The following POLR3B variants were observed in gnomAD, a reference collection of about 807,000 sequenced individuals.
POLR3B encodes the protein RNA polymerase III subunit B, also known as DNA-directed RNA polymerase III subunit RPC2.
Under a neutral mutation model 147.4 loss-of-function variants are expected in POLR3B, and 96 were observed. That is an observed-to-expected ratio of 0.65 (90% confidence interval 0.55 to 0.77). The LOEUF is 0.77. Ranked by LOEUF, POLR3B falls within the 30% of genes least tolerant of loss-of-function variation. POLR3B has a pLI of 0.00. For synonymous variants in POLR3B, 461 were observed against 485.9 expected (o/e 0.95, Z 0.67); for missense variants, 1,036 against 1,413.5 (o/e 0.73, Z 4.28).
chr12:106,433,114 A>G (rs1054379502), intron 15 of POLR3B, among the ~76,000 whole-genome samples: 1 of 152,042 alleles, frequency 6.6e-6, no homozygotes, highest in Non-Finnish European at 1.5e-5. Flanking sequence ...TCTAGGAGGC[A>G]TTAACTCTTT....
At chr12:106,376,654 G>C (rs898561816) in intron 7 of POLR3B, among the ~76,000 whole-genome samples, 3 of 135,376 alleles carry the variant, frequency 2.2e-5, no homozygotes, top group African/African-American at 9.3e-5. Context: ...GTCTCACTCT[G>C]TCATCTAAGC....
intron 13 of POLR3B, among the ~76,000 whole-genome samples, chr12:106,428,709 A>T (rs2037468499): frequency 6.6e-6 from 1 of 152,188 alleles, no homozygotes; most frequent in Admixed American, 6.6e-5. Context: ...GCCTCCAAGG[A>T]TAAAAGGAGT....
At position 106,366,667 on chromosome 12, in the gene POLR3B, A is replaced by G; in HGVS notation, c.172A>G (p.Ile58Val). ...NYFINVEIKKIMKANEKVTSD... is the reference protein window; with the variant it reads ...NYFINVEIKKVMKANEKVTSD... ...GCATTTTCCACTGCAGATAAAGAAGATAATGAAAGCCAATGAAAAGGTTAC... is the reference window on the plus strand; with the variant it reads ...GCATTTTCCACTGCAGATAAAGAAGGTAATGAAAGCCAATGAAAAGGTTAC... The change falls in exon 4 of 28, where the codon ATA (isoleucine) becomes GTA (valine). Residue 58 changes from isoleucine to valine, a missense_variant. Ile to Val is a conservative substitution (Grantham distance 29). This residue lies in a region of POLR3B where 150 missense variants were observed against 145.5 expected (regional missense o/e 1.03). Transcript: ENST00000228347. The G allele has an allele frequency of 6.2e-7, 1 of 1,613,748 alleles. No homozygotes were observed. Among genetic ancestry groups the G allele is most frequent in the East Asian group, 2.2e-5 (1 of 44,868 alleles).
intron 11 of POLR3B, chr12:106,410,314 A>G (rs1272154670): frequency 6.4e-6 from 1 of 155,928 alleles, no homozygotes; most frequent in East Asian, 1.9e-4. Context: ...ATCTTCACTC[A>G]TATCTCTGGC....
chr12:106,498,485 T>G (rs576124019), intron 25 of POLR3B, among the ~76,000 whole-genome samples: 134 of 152,238 alleles, frequency 8.8e-4, no homozygotes, highest in Non-Finnish European at 1.6e-3. Context: ...CTTAGGTATT[T>G]AATGCCAGAT....
intron 19 of POLR3B, among the ~76,000 whole-genome samples, chr12:106,449,555 A>G (rs2037770678): frequency 6.6e-6 from 1 of 152,252 alleles, no homozygotes; most frequent in Non-Finnish European, 1.5e-5. Flanking sequence ...GTTATATACT[A>G]TATTCTTACA....
At chr12:106,498,582 G>GTTTTTTTTTTT (rs564316643) in intron 25 of POLR3B, among the ~76,000 whole-genome samples, 1 of 147,718 alleles carries the variant, frequency 6.8e-6, no homozygotes, top group Non-Finnish European at 1.5e-5. Flanking sequence ...TTTGGGGTTT[G>GTTTTTTTTTTT]TTTTTTTTGT....
chr12:106,367,072 T>C (rs1323301884), intron 4 of POLR3B, among the ~76,000 whole-genome samples: 2 of 152,150 alleles, frequency 1.3e-5, no homozygotes. Context: ...CACTGCACTC[T>C]ATCTTTTACA....
chr12:106,412,827 G>C (rs1038814716), intron 12 of POLR3B, among the ~76,000 whole-genome samples: 4 of 152,110 alleles, frequency 2.6e-5, no homozygotes, highest in African/African-American at 4.8e-5. Flanking sequence ...TCTTGTTTCA[G>C]CTCTCATACT....
intron 16 of POLR3B, among the ~76,000 whole-genome samples, chr12:106,436,782 T>C (rs1291272961): frequency 6.6e-6 from 1 of 152,202 alleles, no homozygotes; most frequent in East Asian, 1.9e-4. Flanking sequence ...AAATGTTTCC[T>C]AAGATACTTG....
At chr12:106,442,968 C>A (rs1269512081) in intron 18 of POLR3B, among the ~76,000 whole-genome samples, 1 of 152,174 alleles carries the variant, frequency 6.6e-6, no homozygotes, top group Non-Finnish European at 1.5e-5. Context: ...CTGACATCTA[C>A]TAGGTAAAAT....
intron 10 of POLR3B, among the ~76,000 whole-genome samples, chr12:106,393,680 G>A (rs2036944766): frequency 2.0e-5 from 3 of 151,314 alleles, no homozygotes; most frequent in Admixed American, 2.0e-4. Context: ...CCCTTTTACT[G>A]CTGCAGAGCC....
At chr12:106,393,003 CTCTT>C (rs2036930845) in intron 9 of POLR3B, 24 bp from the exon 10 acceptor site, 3 of 1,613,776 alleles carry the variant, frequency 1.9e-6, no homozygotes, top group Middle Eastern at 1.6e-4. Flanking sequence ...AAAGCCAACA[CTCTT>C]TCTATCTTTT....
chr12:106,480,013 CTT>C (rs1463072660), intron 23 of POLR3B, among the ~76,000 whole-genome samples: 2 of 142,838 alleles, frequency 1.4e-5, no homozygotes, highest in African/African-American at 5.4e-5. Context: ...TTTTTTTTGG[CTT>C]TTTTTATTAT....
chr12:106,426,248 G>GTGTT (rs2037433354), intron 12 of POLR3B, among the ~76,000 whole-genome samples: 1 of 151,144 alleles, frequency 6.6e-6, no homozygotes, highest in Non-Finnish European at 1.5e-5. Flanking sequence ...GTGTGTGTGT[G>GTGTT]TGTGTGTGTG....
intron 7 of POLR3B, 37 bp downstream of exon 7, chr12:106,376,487 A>G (rs1303332744): frequency 1.5e-6 from 2 of 1,315,600 alleles, no homozygotes; most frequent in Admixed American, 1.7e-5. Context: ...CACTTTCCTT[A>G]TTCTTTTATT....
intron 27 of POLR3B, among the ~76,000 whole-genome samples, chr12:106,508,290 A>C (rs1490544611): frequency 2.0e-5 from 3 of 152,206 alleles, no homozygotes; most frequent in African/African-American, 7.2e-5. Context: ...TGGGATTACA[A>C]AATCAAAGAA....
At chr12:106,423,152 A>G (rs962043718) in intron 12 of POLR3B, among the ~76,000 whole-genome samples, 1 of 152,238 alleles carries the variant, frequency 6.6e-6, no homozygotes, top group East Asian at 1.9e-4. Flanking sequence ...ACCTTCAACT[A>G]TTATCAGTAG....
Position 106,357,829 on chromosome 12 carries a change from G to A in POLR3B, c.-51G>A. 1.9e-6 allele frequency: 3 copies of A among 1,571,280 alleles called. No individual in the cohort carries two copies. Among genetic ancestry groups the A allele is most frequent in the South Asian group, 1.1e-5 (1 of 87,928 alleles). On this transcript the variant is annotated 5_prime_UTR_variant, in exon 1 of 28. Transcript: ENST00000228347. The stretch of plus-strand genomic sequence containing the variant: ...GGAGTCTTGCAGTTTGCTTGGTGCA[G>A]GGAAGGCGGGCGCGGAGGTTCTATC...
Sources: gnomAD v4.1 joint callset for allele counts (sites outside exome capture counted in the v4.1 genomes callset) on GRCh38, gnomAD v4.1.1 for gene constraint, gnomAD v4.1.1 regional missense constraint, MANE v1.5 for transcripts, NCBI Gene and HGNC (gene_info 2026-07-23, HGNC 2026-07-21) for gene names.